Variants in NFATC3 observed in about 807,000 individuals in gnomAD.
NFATC3 encodes the protein nuclear factor of activated T cells 3.
NFATC3 carries 46 observed loss-of-function variants against 98.6 expected under a neutral mutation model. The ratio of observed to expected loss-of-function variants is 0.47; its 90% confidence interval spans 0.37 to 0.60. The LOEUF is 0.60. Among genes scored for constraint, NFATC3 ranks in the 20% least tolerant of loss-of-function variants. The probability of loss-of-function intolerance (pLI) is 0.00; values close to 1 mark genes in which losing one functional copy is unlikely to be tolerated. For missense variants in NFATC3, 1,256 were observed against 1,295.5 expected, an observed-to-expected ratio of 0.97 and a Z score of 0.47; for synonymous variants, 512 against 472.2, an observed-to-expected ratio of 1.08 and a Z score of -1.09.
At chr16:68,221,767 C>A in intron 9 of NFATC3, 1 of 244,878 alleles carries the variant, frequency 4.1e-6, no homozygotes, top group Non-Finnish European at 6.5e-6. Context: ...GTTCCTTCAG[C>A]TAAGTAAGGT....
chr16:68,225,064 T>C (rs909828146), intron 9 of NFATC3: 2 of 152,254 alleles, frequency 1.3e-5, no homozygotes, highest in African/African-American at 4.8e-5. Context: ...GTGATTCTCC[T>C]GCCTCACCCT....
intron 9 of NFATC3, among the ~76,000 whole-genome samples, chr16:68,213,869 A>C (rs987201992): frequency 1.3e-5 from 2 of 152,148 alleles, no homozygotes; most frequent in Admixed American, 6.5e-5. Context: ...TTGGCTGTAC[A>C]TATAGTTTTC....
At chr16:68,217,420 C>G (rs1008877379) in intron 9 of NFATC3, among the ~76,000 whole-genome samples, 3 of 138,822 alleles carry the variant, frequency 2.2e-5, no homozygotes, top group Middle Eastern at 3.9e-3. Flanking sequence ...GATCATGCCA[C>G]TGCACTCCAG....
rs1223201731 is a variant in NFATC3 at position 68,227,823 on chromosome 16, C to T, written c.*1352C>T. 3 of 152,026 alleles carry T rather than the reference C, an allele frequency of 2.0e-5. No homozygotes were observed. Among genetic ancestry groups the T allele is most frequent in the African/African-American group, 4.8e-5 (2 of 41,408 alleles). 9.4% of individuals were successfully genotyped at this position (152,026 alleles called of 1,614,324 possible). A position where few individuals can be genotyped will look rare whatever the true frequency, so the allele number is the denominator to read the frequency against. On this transcript the variant is annotated 3_prime_UTR_variant, in exon 10 of 10. Coordinates refer to ENST00000346183, the MANE Select transcript of NFATC3 (RefSeq NM_173165.3). ...TAAAAAAAAAAAAAACCTGCCCTTACCCCTCTCCCTAATGGGATTTTTTTT... is the reference window on the plus strand; with the variant it reads ...TAAAAAAAAAAAAAACCTGCCCTTATCCCTCTCCCTAATGGGATTTTTTTT...
intron 9 of NFATC3, among the ~76,000 whole-genome samples, chr16:68,193,052 A>T (rs905263131): frequency 6.6e-6 from 1 of 151,910 alleles, no homozygotes; most frequent in East Asian, 1.9e-4. Context: ...AAGAAAATGG[A>T]TGGTTGCATC....
Position 68,122,723 on chromosome 16 carries a change from A to C in NFATC3, c.840A>C (p.Glu280Asp). The change falls in exon 2 of 10, where the codon GAA becomes GAC. Residue 280 changes from glutamate (E) to aspartate (D), a missense_variant. Physicochemically the swap from Glu to Asp is conservative, Grantham distance 45. This residue lies in a region of NFATC3 where 464 missense variants were observed against 465.7 expected (regional missense o/e 1.00). Coordinates refer to ENST00000346183, the MANE Select transcript of NFATC3 (RefSeq NM_173165.3). ...GGAAACGGAGGCACTCCAGTGCTGA[A>C]GTTTGTTATGCTGGGTCCCTTTCAC... is the stretch of plus-strand genomic sequence containing the variant. ...PCGKRRHSSA[E>D]VCYAGSLSPH... 2.5e-6 allele frequency: 4 copies of C among 1,614,164 alleles called. No homozygotes were observed. The highest frequency in any genetic ancestry group is 3.4e-6 in the Non-Finnish European group (4 of 1,180,012).
At chr16:68,213,096 G>T (rs1427882783) in intron 9 of NFATC3, among the ~76,000 whole-genome samples, 1 of 150,562 alleles carries the variant, frequency 6.6e-6, no homozygotes, top group African/African-American at 2.4e-5. Flanking sequence ...ACCATGCCCG[G>T]CCTGTTTCTT....
chr16:68,144,451 T>C (rs574520833), intron 3 of NFATC3, among the ~76,000 whole-genome samples: 15 of 152,234 alleles, frequency 9.9e-5, no homozygotes, highest in East Asian at 3.9e-4. Context: ...AAAAAACTTA[T>C]GTTTACACAA....
At chr16:68,165,392 CTTT>C (rs869025719) in intron 4 of NFATC3, among the ~76,000 whole-genome samples, 2 of 104,392 alleles carry the variant, frequency 1.9e-5, no homozygotes, top group Non-Finnish European at 2.0e-5. Flanking sequence ...TTTTCTTTTT[CTTT>C]TTTTTTTTTT....
At chr16:68,208,363 T>C (rs1037437501) in intron 9 of NFATC3, among the ~76,000 whole-genome samples, 1 of 152,168 alleles carries the variant, frequency 6.6e-6, no homozygotes, top group African/African-American at 2.4e-5. Context: ...ATCTTATGCC[T>C]CTTTGGTTAA....
chr16:68,088,436 CTATATAATATATAAAATGCATATAATTA>C (rs1373099498), intron 1 of NFATC3, among the ~76,000 whole-genome samples: 1 of 138,760 alleles, frequency 7.2e-6, no homozygotes, highest in Non-Finnish European at 1.5e-5. Flanking sequence ...TACTCATATA[CTATATAATATATAAAATGCATATAATTA>C]TATATAATAT....
rs1366544666 is a variant in NFATC3, at chr16:68,167,032, TG to T, written c.1774+18del. The T allele has an allele frequency of 6.2e-7, 1 of 1,604,478 alleles. No homozygotes were observed. Among genetic ancestry groups the T allele is most frequent in the Non-Finnish European group, 8.5e-7 (1 of 1,174,944 alleles). ...TTGAGTGCTGTAAGTGAGCTTGTGATGATGTTTTAAGATCTTGTGTATAATA... is the reference window on the plus strand; with the variant it reads ...TTGAGTGCTGTAAGTGAGCTTGTGATATGTTTTAAGATCTTGTGTATAATA... On this transcript the variant is annotated intron_variant, in intron 5 of 9. Coordinates refer to ENST00000346183, the MANE Select transcript of NFATC3 (RefSeq NM_173165.3).
At chr16:68,128,404 G>C (rs1401610470) in intron 3 of NFATC3, among the ~76,000 whole-genome samples, 1 of 151,616 alleles carries the variant, frequency 6.6e-6, no homozygotes, top group African/African-American at 2.4e-5. Context: ...ATATTTTTTT[G>C]TTAAATGAAT....
chr16:68,168,579 A>G (rs1285463780), intron 5 of NFATC3, among the ~76,000 whole-genome samples: 1 of 151,180 alleles, frequency 6.6e-6, no homozygotes, highest in East Asian at 1.9e-4. Context: ...TCCACCTCCC[A>G]TGTTCAAGTG....
intron 7 of NFATC3, 126 bp downstream of exon 7, chr16:68,181,656 C>A: frequency 1.6e-6 from 1 of 624,672 alleles, no homozygotes; most frequent in Non-Finnish European, 2.8e-6. Flanking sequence ...TTAGGCTGGG[C>A]ATGGTGGCTC....
chr16:68,199,173 G>A (rs1050523900), intron 9 of NFATC3, among the ~76,000 whole-genome samples: 3 of 151,946 alleles, frequency 2.0e-5, no homozygotes, highest in African/African-American at 4.8e-5. Context: ...CTGAGATTGC[G>A]CCACTGCACT....
At chr16:68,170,339 G>A (rs1449561748) in intron 5 of NFATC3, among the ~76,000 whole-genome samples, 7 of 142,046 alleles carry the variant, frequency 4.9e-5, no homozygotes, top group South Asian at 2.2e-4. Flanking sequence ...GCAGTGAGCC[G>A]AGATCATGCC....
chr16:68,190,298 CA>C (rs1453824384), intron 8 of NFATC3, among the ~76,000 whole-genome samples: 1 of 152,120 alleles, frequency 6.6e-6, no homozygotes, highest in Non-Finnish European at 1.5e-5. Flanking sequence ...GTATATGATG[CA>C]ACATGTAAAA....
intron 1 of NFATC3, among the ~76,000 whole-genome samples, chr16:68,111,896 G>A (rs916174929): frequency 5.7e-4 from 87 of 152,210 alleles, no homozygotes; most frequent in African/African-American, 1.8e-3. Context: ...TAATTTGTCC[G>A]GATATGACAT....
Sources: allele counts gnomAD v4.1 joint callset (sites outside exome capture counted in the v4.1 genomes callset), GRCh38; gene constraint gnomAD v4.1.1; regional missense constraint gnomAD v4.1.1; transcripts MANE v1.5; gene names NCBI Gene and HGNC (gene_info 2026-07-23, HGNC 2026-07-21).